TJP1: variants seen among roughly 807,000 people sequenced by gnomAD.
TJP1 encodes the protein tight junction protein ZO-1.
A neutral mutation model predicts 194.2 loss-of-function variants in TJP1; 43 were observed. That is an observed-to-expected ratio of 0.22 (90% CI 0.17 to 0.29). The LOEUF (loss-of-function observed/expected upper bound fraction) is 0.29. TJP1 is among the 10% of genes least tolerant of loss of function. The probability of loss-of-function intolerance (pLI) is 1.00; values close to 1 mark genes in which losing one functional copy is unlikely to be tolerated. For synonymous variants in TJP1, 801 were observed against 779.0 expected, an observed-to-expected ratio of 1.03 and a Z score of -0.47; for missense variants, 1,971 against 2,185.7, an observed-to-expected ratio of 0.90 and a Z score of 1.96.
At chr15:29,771,594 A>G (rs2046682301) in intron 4 of TJP1, among the ~76,000 whole-genome samples, 5 of 151,908 alleles carry the variant, frequency 3.3e-5, no homozygotes, top group Admixed American at 3.3e-4. Context: ...TCACGAGGTC[A>G]GGAGATCGAG....
intron 1 of TJP1, among the ~76,000 whole-genome samples, chr15:29,814,048 C>T (rs185635700): frequency 6.6e-6 from 1 of 152,320 alleles, no homozygotes; most frequent in African/African-American, 2.4e-5. Context: ...TTCTTAATGT[C>T]TCCCTCCTAT....
intron 5 of TJP1, among the ~76,000 whole-genome samples, chr15:29,764,537 G>GTAA (rs1386331392): frequency 2.0e-5 from 3 of 152,190 alleles, no homozygotes; most frequent in Non-Finnish European, 4.4e-5. Flanking sequence ...ATGAGTCTAT[G>GTAA]TAAGAGATGA....
chr15:29,945,305 A>C (rs2055235049), intron 2 of TJP1, among the ~76,000 whole-genome samples: 1 of 152,236 alleles, frequency 6.6e-6, no homozygotes, highest in Non-Finnish European at 1.5e-5. Context: ...GAGAATCTGG[A>C]AAAAGTAAGA....
At chr15:29,932,450 T>C (rs2054750265) in intron 2 of TJP1, among the ~76,000 whole-genome samples, 1 of 152,070 alleles carries the variant, frequency 6.6e-6, no homozygotes, top group Non-Finnish European at 1.5e-5. Context: ...CAAAGCAATC[T>C]CTACTTCTTG....
chr15:29,766,665 C>T, intron 4 of TJP1, 123 bp from the exon 5 acceptor site: 1 of 930,944 alleles, frequency 1.1e-6, no homozygotes, highest in Non-Finnish European at 1.5e-6. Flanking sequence ...AGAAACAATA[C>T]ACAAACAACT....
chr15:29,822,643 T>C (rs558253910), upstream of TJP1: 2 of 245,926 alleles, frequency 8.1e-6, no homozygotes, highest in African/African-American at 4.6e-5. Flanking sequence ...CCCAAGTAAC[T>C]TGGAAGACAG....
intron 1 of TJP1, among the ~76,000 whole-genome samples, chr15:29,959,021 G>A (rs1039256458): frequency 5.4e-5 from 8 of 148,502 alleles, no homozygotes; most frequent in Non-Finnish European, 1.0e-4. Flanking sequence ...TCGGAGTCTC[G>A]CTGTGCCTCC....
chr15:29,779,257 T>C (rs2047204308), intron 2 of TJP1, among the ~76,000 whole-genome samples: 1 of 152,170 alleles, frequency 6.6e-6, no homozygotes, highest in Non-Finnish European at 1.5e-5. Context: ...CAAAACCTCC[T>C]TCCTCAGATC....
chr15:29,789,134 T>C (rs184192858), intron 2 of TJP1, among the ~76,000 whole-genome samples: 1 of 152,254 alleles, frequency 6.6e-6, no homozygotes, highest in East Asian at 1.9e-4. Context: ...TTTTTTACAG[T>C]TTTTAATAAG....
intron 2 of TJP1, among the ~76,000 whole-genome samples, chr15:29,871,688 C>T (rs1807569578): frequency 6.6e-6 from 1 of 152,252 alleles, no homozygotes; most frequent in South Asian, 2.1e-4. Context: ...CCCCACTGGG[C>T]ATTCCCGTGA....
At chr15:29,919,555 A>G (rs4779675) in intron 2 of TJP1, among the ~76,000 whole-genome samples, 26,151 of 152,182 alleles carry the variant, frequency 0.17, 2,436 homozygotes, top group East Asian at 0.34. Context: ...CCTATGAGGA[A>G]AATAAGCAGG....
At chr15:29,833,634 C>A (rs1359584976) in intron 2 of TJP1, among the ~76,000 whole-genome samples, 1 of 151,602 alleles carries the variant, frequency 6.6e-6, no homozygotes, top group Non-Finnish European at 1.5e-5. Flanking sequence ...CTCAAGTGAC[C>A]TGCCTGCTCT....
chr15:29,786,214 T>C (rs945547918), intron 2 of TJP1, among the ~76,000 whole-genome samples: 11 of 152,188 alleles, frequency 7.2e-5, no homozygotes, highest in Non-Finnish European at 1.6e-4. Flanking sequence ...CTGTTTATTC[T>C]TACTCTCATT....
chr15:29,761,221 G>A lies in TJP1; in HGVS notation c.928C>T (p.Arg310Cys), dbSNP rs771744842. ...TGGTCAGGAGATCGTGACCGGCTGC[G>A]GCGGGGAGGCCTATCGTGTGATCGA... Reference protein sequence around the residue: ...SGRSHDRPPRRSRSRSPDQRS... With the variant: ...SGRSHDRPPRCSRSRSPDQRS... The change falls in exon 8 of 28, where the codon CGC becomes TGC. Residue 310 changes from arginine (R) to cysteine (C), a missense_variant. Coordinates refer to ENST00000614355, the MANE Select transcript of TJP1 (RefSeq NM_001330239.4). The A allele has an allele frequency of 3.7e-5, 60 of 1,613,982 alleles. No homozygotes were observed. The highest frequency in any genetic ancestry group is 1.6e-4 in the Middle Eastern group (1 of 6,084).
intron 2 of TJP1, among the ~76,000 whole-genome samples, chr15:29,793,313 G>A (rs2048210713): frequency 6.6e-6 from 1 of 152,170 alleles, no homozygotes. Flanking sequence ...ATGAAGGGAT[G>A]CTGAATTTTA....
chr15:29,823,115 G>A (rs1200638002), upstream of TJP1: 1 of 152,244 alleles, frequency 6.6e-6, no homozygotes, highest in Non-Finnish European at 1.5e-5. Context: ...CCCCACATTA[G>A]ACCTCAAGAT....
chr15:29,786,293 T>TC (rs2047695326), intron 2 of TJP1, among the ~76,000 whole-genome samples: 1 of 152,186 alleles, frequency 6.6e-6, no homozygotes, highest in Non-Finnish European at 1.5e-5. Flanking sequence ...ATTTCCAGCT[T>TC]CTTACAGAAT....
chr15:29,876,356 C>T (rs1043880405), intron 2 of TJP1, among the ~76,000 whole-genome samples: 2 of 152,054 alleles, frequency 1.3e-5, no homozygotes, highest in African/African-American at 4.8e-5. Context: ...TCCGTCTCTA[C>T]TAAAAATACA....
At chr15:29,799,864 A>AGT (rs1156749449) in intron 2 of TJP1, among the ~76,000 whole-genome samples, 1 of 152,224 alleles carries the variant, frequency 6.6e-6, no homozygotes, top group African/African-American at 2.4e-5. Context: ...AGAAATAGTA[A>AGT]GTGTAAAGTG....
Sources: gnomAD v4.1 joint callset for allele counts (sites outside exome capture counted in the v4.1 genomes callset) on GRCh38, gnomAD v4.1.1 for gene constraint, MANE v1.5 for transcripts, NCBI Gene and HGNC (gene_info 2026-07-23, HGNC 2026-07-21) for gene names.